The following ZSWIM6 variants were observed in gnomAD, a reference collection of about 807,000 sequenced individuals.
ZSWIM6 encodes zinc finger SWIM domain-containing protein 6.
A neutral mutation model predicts 113.2 loss-of-function variants in ZSWIM6; 9 were observed. The ratio of observed to expected loss-of-function variants is 0.08; its 90% CI spans 0.05 to 0.14. The LOEUF (loss-of-function observed/expected upper bound fraction) is 0.14, where lower values mean the gene tolerates loss of function less well. Among genes scored for constraint, ZSWIM6 ranks in the 10% least tolerant of loss-of-function variants. The pLI, the probability that ZSWIM6 is intolerant of heterozygous loss-of-function variation, is 1.00. For synonymous variants in ZSWIM6, 611 were observed against 606.5 expected, an observed-to-expected ratio of 1.01 and a Z score of -0.11; for missense variants, 1,162 against 1,552.2, an observed-to-expected ratio of 0.75 and a Z score of 4.22.
At chr5:61,388,879 A>G (rs1745644699) in intron 1 of ZSWIM6, among the ~76,000 whole-genome samples, 1 of 152,202 alleles carries the variant, frequency 6.6e-6, no homozygotes, top group South Asian at 2.1e-4. Flanking sequence ...ACAATTTGAT[A>G]AAATTGTGGA....
In ZSWIM6 at chr5:61,511,760, G is replaced by A. The variant is rs188339624; in HGVS notation, c.1334-9503G>A. On this transcript the variant is annotated intron_variant, in intron 4 of 13. Transcript: ENST00000252744. Reference sequence around the variant, plus strand: ...GTTGTTTATGAGCTACCAAATTTATGGTATTTTTGTTATAGCAGCCTAAAT... The same window carrying A: ...GTTGTTTATGAGCTACCAAATTTATAGTATTTTTGTTATAGCAGCCTAAAT... Among the ~76,000 whole-genome samples, 283 of 152,074 alleles carry A rather than the reference G, an allele frequency of 1.9e-3. 4 individuals carry two copies. The highest frequency in any genetic ancestry group is 2.4e-3 in the Non-Finnish European group (162 of 67,988).
chr5:61,456,599 C>A (rs967166419), intron 1 of ZSWIM6, among the ~76,000 whole-genome samples: 1 of 152,190 alleles, frequency 6.6e-6, no homozygotes, highest in African/African-American at 2.4e-5. Context: ...AAATGAATTT[C>A]TCCTGCTGTG....
intron 7 of ZSWIM6, 64 bp downstream of exon 7, chr5:61,526,460 G>A (rs1011132372): frequency 2.3e-5 from 35 of 1,531,780 alleles, no homozygotes; most frequent in Non-Finnish European, 2.9e-5. Flanking sequence ...ACTAGGTTTT[G>A]TGTTCTGGGA....
chr5:61,421,741 TG>T (rs1455256210), intron 1 of ZSWIM6, among the ~76,000 whole-genome samples: 1 of 152,262 alleles, frequency 6.6e-6, no homozygotes, highest in Non-Finnish European at 1.5e-5. Flanking sequence ...TTTGGTTTTC[TG>T]TTACTGCATT....
At chr5:61,484,239 A>G (rs538721614) in intron 2 of ZSWIM6, among the ~76,000 whole-genome samples, 2 of 152,268 alleles carry the variant, frequency 1.3e-5, no homozygotes, top group South Asian at 4.1e-4. Flanking sequence ...GACAACCCCC[A>G]TCCAAGTAGT....
chr5:61,413,361 T>G (rs1746184415), intron 1 of ZSWIM6, among the ~76,000 whole-genome samples: 1 of 152,110 alleles, frequency 6.6e-6, no homozygotes, highest in South Asian at 2.1e-4. Context: ...CTCATCATTT[T>G]TTATGGCTGC....
chr5:61,398,912 G>GTTT (rs57439648), intron 1 of ZSWIM6, among the ~76,000 whole-genome samples: 20 of 61,736 alleles, frequency 3.2e-4, no homozygotes, highest in African/African-American at 3.4e-4. Flanking sequence ...GTGTATAGTT[G>GTTT]TTTTTTTTTT....
At chr5:61,521,059 A>G (rs1035271361) in intron 4 of ZSWIM6, among the ~76,000 whole-genome samples, 2 of 152,110 alleles carry the variant, frequency 1.3e-5, no homozygotes, top group Non-Finnish European at 2.9e-5. Flanking sequence ...AAGGAGAATT[A>G]AGTTATAAAA....
intron 1 of ZSWIM6, among the ~76,000 whole-genome samples, chr5:61,454,835 C>T (rs1236245049): frequency 1.3e-5 from 2 of 151,546 alleles, no homozygotes; most frequent in Non-Finnish European, 2.9e-5. Context: ...CCACCCACCT[C>T]GGCCTCCCAA....
intron 1 of ZSWIM6, among the ~76,000 whole-genome samples, chr5:61,416,304 C>G (rs922638172): frequency 6.6e-6 from 1 of 152,180 alleles, no homozygotes; most frequent in African/African-American, 2.4e-5. Flanking sequence ...AGTGAAGCTT[C>G]TTTTACAGCT....
At chr5:61,370,068 A>G (rs965302357) in intron 1 of ZSWIM6, among the ~76,000 whole-genome samples, 1 of 152,260 alleles carries the variant, frequency 6.6e-6, no homozygotes, top group Admixed American at 6.5e-5. Context: ...TAAGACCCTA[A>G]GTGAGATCAT....
At chr5:61,484,849 G>A (rs1365443748) in intron 2 of ZSWIM6, among the ~76,000 whole-genome samples, 1 of 152,034 alleles carries the variant, frequency 6.6e-6, no homozygotes, top group African/African-American at 2.4e-5. Flanking sequence ...TATGTTCATC[G>A]GCAGAAAAAG....
chr5:61,444,262 A>T (rs1055231055), intron 1 of ZSWIM6, among the ~76,000 whole-genome samples: 1 of 151,680 alleles, frequency 6.6e-6, no homozygotes, highest in East Asian at 1.9e-4. Flanking sequence ...CCATGTCCCT[A>T]CAAAGGACAT....
At chr5:61,447,799 A>G (rs1746997086) in intron 1 of ZSWIM6, among the ~76,000 whole-genome samples, 1 of 152,204 alleles carries the variant, frequency 6.6e-6, no homozygotes, top group Admixed American at 6.5e-5. Flanking sequence ...GCCAGGGAAT[A>G]AGGTTTTACT....
At chr5:61,460,000 G>C (rs1359899331) in intron 1 of ZSWIM6, among the ~76,000 whole-genome samples, 3 of 152,184 alleles carry the variant, frequency 2.0e-5, no homozygotes, top group Non-Finnish European at 4.4e-5. Flanking sequence ...TATGCCAGAT[G>C]AAGTTTTGAC....
chr5:61,477,489 A>G (rs568192130), intron 2 of ZSWIM6, among the ~76,000 whole-genome samples: 1 of 152,300 alleles, frequency 6.6e-6, no homozygotes, highest in Non-Finnish European at 1.5e-5. Flanking sequence ...CGTACTGCAA[A>G]GGCGTACCTT....
Position 61,381,243 on chromosome 5 carries a change from C to A in ZSWIM6, c.676+48295C>A, listed in dbSNP as rs1745467842. ...ACTCCAGCCTGGGCAACAGAGTGAG[C>A]CTCTTGTCTCAAACAAAACAAAATA... On this transcript the variant is annotated intron_variant, in intron 1 of 13. Transcript: ENST00000252744. Among the ~76,000 whole-genome samples, 3 of 152,056 alleles carry A rather than the reference C, an allele frequency of 2.0e-5. No individual in the cohort carries two copies. In the South Asian group the frequency reaches 6.2e-4, roughly 32 times the overall value.
chr5:61,460,895 A>G (rs1747310676), intron 1 of ZSWIM6, among the ~76,000 whole-genome samples: 1 of 151,736 alleles, frequency 6.6e-6, no homozygotes, highest in African/African-American at 2.4e-5. Flanking sequence ...CTATATTTTT[A>G]TATATTTTGC....
intron 1 of ZSWIM6, among the ~76,000 whole-genome samples, chr5:61,446,945 T>G (rs1458657699): frequency 6.6e-6 from 1 of 152,200 alleles, no homozygotes; most frequent in Non-Finnish European, 1.5e-5. Context: ...CATGTTCAAA[T>G]GGCTAAACCT....
Sources: gnomAD v4.1 joint callset for allele counts (sites outside exome capture counted in the v4.1 genomes callset) on GRCh38, gnomAD v4.1.1 for gene constraint, MANE v1.5 for transcripts, NCBI Gene and HGNC (gene_info 2026-07-23, HGNC 2026-07-21) for gene names.